Variants in KDM4C observed in about 807,000 individuals in gnomAD.
KDM4C encodes lysine demethylase 4C.
In KDM4C, 81 loss-of-function variants were observed where a neutral mutation model predicts 129.3. The ratio of observed to expected loss-of-function variants is 0.63; its 90% confidence interval spans 0.52 to 0.75. The LOEUF (loss-of-function observed/expected upper bound fraction) is 0.75. KDM4C is among the 30% of genes least tolerant of loss of function. KDM4C has a pLI of 0.00. For synonymous variants in KDM4C, 573 were observed against 456.1 expected, an observed-to-expected ratio of 1.26 and a Z score of -3.26; for missense variants, 1,457 against 1,304.0, an observed-to-expected ratio of 1.12 and a Z score of -1.81.
At chr9:7,096,443 C>T (rs1836447664) in intron 17 of KDM4C, among the ~76,000 whole-genome samples, 1 of 152,166 alleles carries the variant, frequency 6.6e-6, no homozygotes, top group Admixed American at 6.5e-5. Context: ...TCACCCACAG[C>T]CTTCTCACCC....
At chr9:6,861,212 C>G (rs1020647616) in intron 5 of KDM4C, among the ~76,000 whole-genome samples, 2 of 152,112 alleles carry the variant, frequency 1.3e-5, no homozygotes, top group Non-Finnish European at 2.9e-5. Flanking sequence ...ATGTTCTGTT[C>G]TCATAGAACT....
In KDM4C at chr9:6,721,131, T is replaced by G; in HGVS notation, c.49+134T>G. ...CTCTGTTGCCCAGGCTAGAGGGCAGTGGTGCAATCACACCTCACTGCAGCC... is the reference window on the plus strand; with the variant it reads ...CTCTGTTGCCCAGGCTAGAGGGCAGGGGTGCAATCACACCTCACTGCAGCC... On this transcript the variant is annotated intron_variant, in intron 1 of 17. Transcript: ENST00000536108. 9.4e-6 allele frequency: 7 copies of G among 743,014 alleles called. No homozygotes were observed. The South Asian group carries it at 1.1e-4, about 11-fold the overall frequency. 46.0% of individuals were successfully genotyped at this position (743,014 alleles called of 1,614,324 possible). A position where few individuals can be genotyped will look rare whatever the true frequency, so the allele number is the denominator to read the frequency against.
chr9:6,964,598 G>A (rs753829005), intron 8 of KDM4C, among the ~76,000 whole-genome samples: 5 of 151,718 alleles, frequency 3.3e-5, no homozygotes, highest in Non-Finnish European at 7.4e-5. Context: ...TGGGCAACAC[G>A]GTGAAACCCC....
intron 15 of KDM4C, among the ~76,000 whole-genome samples, chr9:7,027,545 C>T (rs992619963): frequency 1.3e-5 from 2 of 152,172 alleles, no homozygotes; most frequent in African/African-American, 4.8e-5. Context: ...GAAGCAAGCA[C>T]AGCATTAGAT....
chr9:6,791,592 C>T (rs1047428511), intron 1 of KDM4C, among the ~76,000 whole-genome samples: 10 of 152,194 alleles, frequency 6.6e-5, no homozygotes, highest in Admixed American at 5.2e-4. Flanking sequence ...TGTAAGCACA[C>T]CTGAGTAAAC....
Position 6,811,120 on chromosome 9 carries a change from T to C in KDM4C, c.321-3511T>C, listed in dbSNP as rs777222256. Among the ~76,000 whole-genome samples the C allele has an allele frequency of 3.3e-5, 5 of 152,108 alleles. No homozygotes were observed. In the East Asian group the frequency reaches 9.6e-4, roughly 29 times the overall value. On this transcript the variant is annotated intron_variant, in intron 3 of 21. Coordinates refer to ENST00000381309, the MANE Select transcript of KDM4C (RefSeq NM_015061.6). ...GTTGTGGAATGGTCATGTTAGGAGA[T>C]TAATTTTTGTTGGAGACAAGAGGTT...
At chr9:7,055,077 C>G (rs1283833555) in intron 17 of KDM4C, among the ~76,000 whole-genome samples, 1 of 152,074 alleles carries the variant, frequency 6.6e-6, no homozygotes, top group Admixed American at 6.5e-5. Context: ...GCTCGGGAGC[C>G]TATCGCAGGA....
At chr9:6,811,595 T>C (rs1831158065) in intron 3 of KDM4C, among the ~76,000 whole-genome samples, 1 of 152,204 alleles carries the variant, frequency 6.6e-6, no homozygotes, top group Non-Finnish European at 1.5e-5. Context: ...AAATTTATAA[T>C]GGTAGGTAAT....
At chr9:6,746,970 C>G (rs1263740610) in intron 1 of KDM4C, among the ~76,000 whole-genome samples, 1 of 131,590 alleles carries the variant, frequency 7.6e-6, no homozygotes, top group Admixed American at 8.6e-5. Flanking sequence ...TGCCACTGAA[C>G]TCCAGCCTGG....
chr9:7,056,120 A>C (rs1006704728), intron 17 of KDM4C, among the ~76,000 whole-genome samples: 1 of 152,220 alleles, frequency 6.6e-6, no homozygotes, highest in Non-Finnish European at 1.5e-5. Flanking sequence ...TATTGCTTAA[A>C]CAGTAATCAG....
chr9:6,772,653 G>A (rs1399985329), intron 1 of KDM4C, among the ~76,000 whole-genome samples: 5 of 150,846 alleles, frequency 3.3e-5, no homozygotes, highest in Non-Finnish European at 7.4e-5. Flanking sequence ...GAGCCACTGC[G>A]CCTGGCACAG....
At chr9:6,822,779 A>G (rs567383874) in intron 4 of KDM4C, among the ~76,000 whole-genome samples, 2 of 152,372 alleles carry the variant, frequency 1.3e-5, no homozygotes, top group South Asian at 4.1e-4. Context: ...GATTTGGCTA[A>G]AGGACCTGCA....
At chr9:7,112,651 C>G (rs546978374) in intron 18 of KDM4C, among the ~76,000 whole-genome samples, 3 of 152,204 alleles carry the variant, frequency 2.0e-5, no homozygotes, top group South Asian at 4.1e-4. Context: ...CCCCACAGGG[C>G]TGATACATCA....
intron 17 of KDM4C, among the ~76,000 whole-genome samples, chr9:7,088,252 T>C (rs1021877946): frequency 2.6e-5 from 4 of 152,190 alleles, no homozygotes; most frequent in Non-Finnish European, 4.4e-5. Context: ...AAAGTACTCG[T>C]TGATATGAAC....
intron 1 of KDM4C, among the ~76,000 whole-genome samples, chr9:6,745,578 C>CAA (rs57251333): frequency 6.5e-5 from 7 of 106,970 alleles, no homozygotes; most frequent in East Asian, 5.7e-4. Flanking sequence ...GTCCTGTCTC[C>CAA]AAAAAAAAAA....
intron 1 of KDM4C, among the ~76,000 whole-genome samples, chr9:6,759,652 T>G (rs1335678994): frequency 6.6e-6 from 1 of 152,152 alleles, no homozygotes; most frequent in Non-Finnish European, 1.5e-5. Flanking sequence ...GTCAGTTGCT[T>G]TTCTAAAGTT....
chr9:6,859,025 A>T (rs1840440650), intron 5 of KDM4C, among the ~76,000 whole-genome samples: 1 of 152,190 alleles, frequency 6.6e-6, no homozygotes, highest in African/African-American at 2.4e-5. Context: ...AGATTTATAA[A>T]TGTTCCGTTG....
chr9:7,122,348 A>G (rs1839596860), intron 18 of KDM4C, among the ~76,000 whole-genome samples: 1 of 151,858 alleles, frequency 6.6e-6, no homozygotes, highest in Non-Finnish European at 1.5e-5. Context: ...GTGCTAAACC[A>G]TTAGAAACCA....
intron 1 of KDM4C, among the ~76,000 whole-genome samples, chr9:6,771,740 G>A (rs558040348): frequency 1.3e-5 from 2 of 152,196 alleles, no homozygotes; most frequent in African/African-American, 2.4e-5. Context: ...ATGTAGAATT[G>A]CTGGAAAGCG....
Sources: allele counts gnomAD v4.1 joint callset (sites outside exome capture counted in the v4.1 genomes callset), GRCh38; gene constraint gnomAD v4.1.1; transcripts MANE v1.5; gene names NCBI Gene and HGNC (gene_info 2026-07-23, HGNC 2026-07-21).